UBE2E2: variants seen among roughly 807,000 people sequenced by gnomAD.
The protein encoded by UBE2E2 is ubiquitin-conjugating enzyme E2 E2.
In UBE2E2, 6 loss-of-function variants were observed where a neutral mutation model predicts 24.7. That is an observed-to-expected ratio of 0.24 (90% CI 0.13 to 0.48). The LOEUF (loss-of-function observed/expected upper bound fraction) is 0.48, where lower values mean the gene tolerates loss of function less well. Among genes scored for constraint, UBE2E2 ranks in the 20% least tolerant of loss-of-function variants. UBE2E2 has a pLI of 0.99. For synonymous variants in UBE2E2, 104 were observed against 83.6 expected, an observed-to-expected ratio of 1.24 and a Z score of -1.33; for missense variants, 169 against 245.0, an observed-to-expected ratio of 0.69 and a Z score of 2.07.
intron 5 of UBE2E2, among the ~76,000 whole-genome samples, chr3:23,576,938 A>G (rs1696360888): frequency 6.6e-6 from 1 of 151,844 alleles, no homozygotes; most frequent in South Asian, 2.1e-4. Context: ...TTTTTTAACA[A>G]ATTGAAGGTT....
intron 3 of UBE2E2, among the ~76,000 whole-genome samples, chr3:23,441,368 CAAAAA>C (rs752204801): frequency 9.8e-4 from 101 of 103,220 alleles, no homozygotes; most frequent in Non-Finnish European, 1.6e-3. Context: ...ACTAAAAATC[CAAAAA>C]AAAAAAAAAA....
intron 5 of UBE2E2, among the ~76,000 whole-genome samples, chr3:23,536,351 G>A (rs972502722): frequency 6.6e-6 from 1 of 152,112 alleles, no homozygotes; most frequent in Non-Finnish European, 1.5e-5. Flanking sequence ...CAGAGTTATG[G>A]CTATAAATAT....
Position 23,388,788 on chromosome 3 carries a change from T to C in UBE2E2, c.228-110820T>C, listed in dbSNP as rs1696867719. Among the ~76,000 whole-genome samples, 5 of 152,070 alleles carry C rather than the reference T, an allele frequency of 3.3e-5. No individual in the cohort carries two copies. The South Asian group carries it at 8.3e-4, about 25-fold the overall frequency. On this transcript the variant is annotated intron_variant, in intron 3 of 5. Transcript: ENST00000396703. ...TTAGGAGGCCAAGGCAGGCGGATCATGAGGTCAGGAGTTCAAGACCAGCCT... is the reference window on the plus strand; with the variant it reads ...TTAGGAGGCCAAGGCAGGCGGATCACGAGGTCAGGAGTTCAAGACCAGCCT...
intron 3 of UBE2E2, 127 bp from the exon 4 acceptor site, chr3:23,499,481 T>G: frequency 5.5e-5 from 63 of 1,141,534 alleles, no homozygotes; most frequent in Non-Finnish European, 7.1e-5. Flanking sequence ...AATCTTAACA[T>G]GAGAGTTAAC....
At chr3:23,356,909 A>G (rs1165578686) in intron 3 of UBE2E2, among the ~76,000 whole-genome samples, 2 of 152,198 alleles carry the variant, frequency 1.3e-5, no homozygotes, top group African/African-American at 4.8e-5. Context: ...TTAACCCATC[A>G]AAAGTTTATT....
At chr3:23,236,003 T>G (rs1031262669) in intron 3 of UBE2E2, among the ~76,000 whole-genome samples, 2 of 152,076 alleles carry the variant, frequency 1.3e-5, no homozygotes, top group African/African-American at 4.8e-5. Context: ...GATGAATTTG[T>G]GTGTGGAAAG....
chr3:23,456,790 G>T (rs917957240), intron 3 of UBE2E2, among the ~76,000 whole-genome samples: 1 of 152,184 alleles, frequency 6.6e-6, no homozygotes, highest in Non-Finnish European at 1.5e-5. Context: ...GTGAGCATTG[G>T]CTTCAACTTA....
chr3:23,548,068 G>T (rs1424847736), intron 5 of UBE2E2, among the ~76,000 whole-genome samples: 2 of 152,156 alleles, frequency 1.3e-5, no homozygotes, highest in South Asian at 2.1e-4. Context: ...AGCCAAATCA[G>T]TGTGAACTAC....
intron 3 of UBE2E2, among the ~76,000 whole-genome samples, chr3:23,311,123 TTG>T (rs1694375912): frequency 6.6e-6 from 1 of 152,188 alleles, no homozygotes; most frequent in Non-Finnish European, 1.5e-5. Flanking sequence ...TTTTTTGTCC[TTG>T]TGATAGTTTG....
At position 23,263,549 on chromosome 3, in the gene UBE2E2, GGAA is replaced by G. The variant is rs138668056; in HGVS notation, c.227+46240_227+46242del. 3.3e-3 allele frequency among the ~76,000 whole-genome samples: 500 copies of G among 152,244 alleles called. 2 individuals carry two copies. Among genetic ancestry groups the G allele is most frequent in the African/African-American group, 9.7e-3 (403 of 41,554 alleles). On this transcript the variant is annotated intron_variant, in intron 3 of 5. Coordinates refer to ENST00000396703, the MANE Select transcript of UBE2E2 (RefSeq NM_152653.4). ...GATAATAGCATCATGTCACCTTAGT[GGAA>G]GATGCTCATCTTTTATTTATTTATT... is the stretch of plus-strand genomic sequence containing the variant.
chr3:23,437,627 C>T (rs550807054), intron 3 of UBE2E2, among the ~76,000 whole-genome samples: 5 of 152,110 alleles, frequency 3.3e-5, no homozygotes, highest in Non-Finnish European at 4.4e-5. Flanking sequence ...TGCCGGAGGC[C>T]CTGAATCACC....
intron 3 of UBE2E2, among the ~76,000 whole-genome samples, chr3:23,241,301 A>G (rs1697252825): frequency 6.6e-6 from 1 of 152,126 alleles, no homozygotes; most frequent in Admixed American, 6.5e-5. Context: ...TGCTTGAGTT[A>G]TTGCCACACC....
Position 23,203,346 on chromosome 3 carries a change from G to C in UBE2E2, c.-127G>C. 2 of 986,284 alleles carry C rather than the reference G, an allele frequency of 2.0e-6. No homozygotes were observed. Among genetic ancestry groups the C allele is most frequent in the Non-Finnish European group, 2.4e-6 (2 of 830,468 alleles). The allele number at this position is 986,284 out of a possible 1,614,324, so 61.1% of individuals were successfully genotyped here. On this transcript the variant is annotated 5_prime_UTR_variant, in exon 1 of 6. Transcript: ENST00000396703. Reference sequence around the variant, plus strand: ...GGGTCCGGCTTTCGGTGACTAGACGGTCCGCAGGGGACATCCCGTCCCTGG... The same window carrying C: ...GGGTCCGGCTTTCGGTGACTAGACGCTCCGCAGGGGACATCCCGTCCCTGG...
At chr3:23,579,285 T>C (rs1329874195) in intron 5 of UBE2E2, among the ~76,000 whole-genome samples, 3 of 150,404 alleles carry the variant, frequency 2.0e-5, no homozygotes, top group Admixed American at 1.3e-4. Context: ...CTCAGGAGGC[T>C]GAGGCAGGAG....
chr3:23,584,505 A>T (rs1227105665), intron 5 of UBE2E2, among the ~76,000 whole-genome samples: 1 of 151,734 alleles, frequency 6.6e-6, no homozygotes, highest in African/African-American at 2.4e-5. Context: ...AAAGGTGCAC[A>T]TACCACAGAT....
chr3:23,415,507 C>A (rs1478569911), intron 3 of UBE2E2, among the ~76,000 whole-genome samples: 1 of 152,044 alleles, frequency 6.6e-6, no homozygotes, highest in Admixed American at 6.6e-5. Context: ...GTTTTTTGAA[C>A]CTTTCCTTCC....
chr3:23,355,475 A>G (rs966140279), intron 3 of UBE2E2, among the ~76,000 whole-genome samples: 15 of 152,230 alleles, frequency 9.9e-5, no homozygotes, highest in African/African-American at 3.4e-4. Context: ...AGAAATTTTT[A>G]TGGATTAAAC....
intron 3 of UBE2E2, among the ~76,000 whole-genome samples, chr3:23,473,661 A>C (rs966202196): frequency 1.3e-5 from 2 of 152,038 alleles, no homozygotes; most frequent in Non-Finnish European, 2.9e-5. Context: ...CTTATCTCTC[A>C]CTTAAGAGTG....
At chr3:23,341,035 A>T (rs1320858809) in intron 3 of UBE2E2, among the ~76,000 whole-genome samples, 1 of 152,208 alleles carries the variant, frequency 6.6e-6, no homozygotes, top group Non-Finnish European at 1.5e-5. Flanking sequence ...AAAATGATGA[A>T]TGTTTCTTTT....
Sources: allele counts gnomAD v4.1 joint callset (sites outside exome capture counted in the v4.1 genomes callset), GRCh38; gene constraint gnomAD v4.1.1; transcripts MANE v1.5; gene names NCBI Gene and HGNC (gene_info 2026-07-23, HGNC 2026-07-21).